SHLD2: variants seen among roughly 807,000 people sequenced by gnomAD.
The protein encoded by SHLD2 is shieldin complex subunit 2.
A neutral mutation model predicts 73.2 loss-of-function variants in SHLD2; 30 were observed. The ratio of observed to expected loss-of-function variants is 0.41; its 90% confidence interval spans 0.31 to 0.56. The LOEUF (loss-of-function observed/expected upper bound fraction) is 0.56, where lower values mean the gene tolerates loss of function less well. SHLD2 is among the 20% of genes least tolerant of loss of function. The pLI is 0.28. For missense variants in SHLD2, 745 were observed against 1,055.9 expected (o/e 0.71, Z 4.08); for synonymous variants, 285 against 370.1 (o/e 0.77, Z 2.64).
intron 4 of SHLD2, among the ~76,000 whole-genome samples, chr10:87,166,208 AG>A (rs1230314318): frequency 6.6e-6 from 1 of 152,084 alleles, no homozygotes; most frequent in African/African-American, 2.4e-5. Context: ...AAGATTGGAA[AG>A]GTAGAAATAA....
intron 1 of SHLD2, among the ~76,000 whole-genome samples, chr10:87,096,262 C>G (rs1423663010): frequency 6.6e-6 from 1 of 152,042 alleles, no homozygotes; most frequent in Non-Finnish European, 1.5e-5. Context: ...CCAGGCTGGT[C>G]TCCAACGCCT....
intron 2 of SHLD2, among the ~76,000 whole-genome samples, chr10:87,130,585 C>T (rs932680886): frequency 3.7e-4 from 57 of 152,008 alleles, no homozygotes; most frequent in Non-Finnish European, 6.8e-4. Flanking sequence ...TTCAGCCAGC[C>T]TTCTTTATTT....
At chr10:87,136,992 C>G (rs1287402671) in intron 2 of SHLD2, among the ~76,000 whole-genome samples, 1 of 152,166 alleles carries the variant, frequency 6.6e-6, no homozygotes, top group Non-Finnish European at 1.5e-5. Flanking sequence ...AGTGTCCTAA[C>G]AGAAAAATTG....
intron 2 of SHLD2, among the ~76,000 whole-genome samples, chr10:87,136,536 A>G (rs1243176756): frequency 1.3e-5 from 2 of 151,960 alleles, no homozygotes; most frequent in Admixed American, 6.6e-5. Context: ...ATGTATTTAT[A>G]CTACCCTGTA....
intron 2 of SHLD2, among the ~76,000 whole-genome samples, chr10:87,123,394 C>A (rs1843762002): frequency 6.6e-6 from 1 of 151,792 alleles, no homozygotes; most frequent in Non-Finnish European, 1.5e-5. Flanking sequence ...CTTCACCTCC[C>A]AGGTTCAAGC....
At chr10:87,134,241 A>G (rs1307440579) in intron 2 of SHLD2, among the ~76,000 whole-genome samples, 3 of 152,186 alleles carry the variant, frequency 2.0e-5, no homozygotes, top group Non-Finnish European at 4.4e-5. Flanking sequence ...GCAGGATAAG[A>G]AGTACGGTTT....
intron 2 of SHLD2, among the ~76,000 whole-genome samples, chr10:87,104,287 C>G (rs1842457317): frequency 6.7e-6 from 1 of 148,954 alleles, no homozygotes; most frequent in Non-Finnish European, 1.5e-5. Flanking sequence ...GTGGCTCACA[C>G]CTGTAATCCC....
At position 87,147,083 on chromosome 10, in the gene SHLD2, A is replaced by C. The variant is rs552829396; in HGVS notation, c.-5-4267A>C. On this transcript the variant is annotated intron_variant, in intron 2 of 9. Transcript: ENST00000298786. Reference sequence around the variant, plus strand: ...AAAAAAAAAAAAAAGAAAAAAAAAAAAAAAACAAAAAAACCTTGTGTTTTA... The same window carrying C: ...AAAAAAAAAAAAAAGAAAAAAAAAACAAAAACAAAAAAACCTTGTGTTTTA... 7.8e-4 allele frequency among the ~76,000 whole-genome samples: 118 copies of C among 150,424 alleles called. 1 individual carries two copies. Among genetic ancestry groups the C allele is most frequent in the Middle Eastern group, 3.4e-3 (1 of 294 alleles).
chr10:87,146,831 C>T (rs1388712611), intron 2 of SHLD2, among the ~76,000 whole-genome samples: 4 of 151,608 alleles, frequency 2.6e-5, no homozygotes, highest in East Asian at 2.0e-4. Context: ...CCGAAGCAGG[C>T]GGATCAGCTG....
At chr10:87,181,145 C>T (rs1848281936) in intron 8 of SHLD2, among the ~76,000 whole-genome samples, 1 of 148,610 alleles carries the variant, frequency 6.7e-6, no homozygotes, top group African/African-American at 2.5e-5. Flanking sequence ...CTTTGGGAGG[C>T]CGGGGTGGGG....
intron 2 of SHLD2, among the ~76,000 whole-genome samples, chr10:87,106,636 A>T (rs1842614382): frequency 6.6e-6 from 1 of 152,222 alleles, no homozygotes; most frequent in Admixed American, 6.5e-5. Context: ...CTTACTAGAC[A>T]GGAAGACAGA....
At chr10:87,136,657 T>G (rs888376725) in intron 2 of SHLD2, among the ~76,000 whole-genome samples, 3 of 152,102 alleles carry the variant, frequency 2.0e-5, no homozygotes, top group Admixed American at 2.0e-4. Context: ...ACATGGATGA[T>G]TCTAACTTCC....
chr10:87,167,672 T>A (rs1832810920), intron 4 of SHLD2, among the ~76,000 whole-genome samples: 1 of 152,170 alleles, frequency 6.6e-6, no homozygotes, highest in South Asian at 2.1e-4. Context: ...AGAGACAGGA[T>A]CTCACTCTGT....
chr10:87,154,295 C>T (rs1846224344), intron 3 of SHLD2: 2 of 152,172 alleles, frequency 1.3e-5, no homozygotes, highest in South Asian at 4.1e-4. Flanking sequence ...CTCTGAACTC[C>T]TGGGCTCAAG....
intron 4 of SHLD2, among the ~76,000 whole-genome samples, chr10:87,158,537 GT>G (rs1846594419): frequency 6.6e-6 from 1 of 152,106 alleles, no homozygotes; most frequent in Admixed American, 6.5e-5. Flanking sequence ...AAGTTCTTCT[GT>G]GGAACTTCTG....
chr10:87,111,670 G>A (rs1443485158), intron 2 of SHLD2, among the ~76,000 whole-genome samples: 1 of 149,492 alleles, frequency 6.7e-6, no homozygotes, highest in African/African-American at 2.4e-5. Flanking sequence ...AAGAAGTGGG[G>A]TTTCACCATG....
intron 4 of SHLD2, among the ~76,000 whole-genome samples, chr10:87,163,777 T>C (rs1163364194): frequency 1.3e-5 from 2 of 149,822 alleles, no homozygotes; most frequent in East Asian, 3.9e-4. Context: ...ATTTTTAATA[T>C]AGATAAATGG....
intron 7 of SHLD2, among the ~76,000 whole-genome samples, chr10:87,178,865 T>A (rs1848124398): frequency 6.6e-6 from 1 of 152,232 alleles, no homozygotes. Flanking sequence ...GAAGAGATGA[T>A]GAAACCATCT....
At chr10:87,104,610 G>GAAAATA (rs1371539108) in intron 2 of SHLD2, among the ~76,000 whole-genome samples, 3 of 150,522 alleles carry the variant, frequency 2.0e-5, no homozygotes, top group Non-Finnish European at 1.5e-5. Context: ...AAAAGAAAAT[G>GAAAATA]AAAATAAAAA....
Sources: gnomAD v4.1 joint callset for allele counts (sites outside exome capture counted in the v4.1 genomes callset) on GRCh38, gnomAD v4.1.1 for gene constraint, MANE v1.5 for transcripts, NCBI Gene and HGNC (gene_info 2026-07-23, HGNC 2026-07-21) for gene names.